Variants in MAGI1 observed in about 807,000 individuals in gnomAD.
The protein encoded by MAGI1 is membrane associated guanylate kinase, WW and PDZ domain containing 1, also known as membrane-associated guanylate kinase, WW and PDZ domain-containing protein 1.
Under a neutral mutation model 139.9 loss-of-function variants are expected in MAGI1, and 58 were observed. The observed-to-expected ratio is 0.41, with a 90% CI of 0.34 to 0.52. The LOEUF (loss-of-function observed/expected upper bound fraction) is 0.52, where lower values mean the gene tolerates loss of function less well. Among genes scored for constraint, MAGI1 ranks in the 20% least tolerant of loss-of-function variants. The pLI, the probability that MAGI1 is intolerant of heterozygous loss-of-function variation, is 0.12. For missense variants in MAGI1, 1,874 were observed against 1,901.6 expected (o/e 0.99, Z 0.27); for synonymous variants, 812 against 737.9 (o/e 1.10, Z -1.63).
At chr3:65,486,003 C>T (rs1019353800) in intron 3 of MAGI1, among the ~76,000 whole-genome samples, 3 of 152,162 alleles carry the variant, frequency 2.0e-5, no homozygotes, top group Admixed American at 6.5e-5. Flanking sequence ...GAACATTCTA[C>T]GACAGAGTTT....
chr3:65,835,626 A>G (rs1179077146), intron 1 of MAGI1, among the ~76,000 whole-genome samples: 2 of 152,252 alleles, frequency 1.3e-5, no homozygotes, highest in African/African-American at 4.8e-5. Flanking sequence ...CAAGAAATCA[A>G]CGACTCTGTC....
chr3:65,401,321 C>A, intron 13 of MAGI1, 118 bp downstream of exon 13: 1 of 1,284,152 alleles, frequency 7.8e-7, no homozygotes, highest in Non-Finnish European at 1.1e-6. Flanking sequence ...CTCCTGTCTC[C>A]CCCATCCACT....
intron 3 of MAGI1, among the ~76,000 whole-genome samples, 194 bp downstream of exon 3, chr3:65,493,318 A>T (rs941667364): frequency 1.3e-5 from 2 of 152,174 alleles, no homozygotes; most frequent in Non-Finnish European, 2.9e-5. Context: ...AGAAAAACTA[A>T]AACTATTTTT....
At chr3:66,014,387 C>T (rs1411322288) in intron 1 of MAGI1, among the ~76,000 whole-genome samples, 1 of 152,164 alleles carries the variant, frequency 6.6e-6, no homozygotes, top group Non-Finnish European at 1.5e-5. Flanking sequence ...CCTATAGATG[C>T]TGTCTCTTAC....
intron 1 of MAGI1, among the ~76,000 whole-genome samples, chr3:65,671,537 T>C (rs1204490478): frequency 1.3e-5 from 2 of 152,194 alleles, no homozygotes; most frequent in Non-Finnish European, 2.9e-5. Flanking sequence ...CCTGGCTACA[T>C]ATTAGAAATG....
intron 2 of MAGI1, among the ~76,000 whole-genome samples, chr3:65,610,794 A>AGT (rs2083027485): frequency 7.1e-6 from 1 of 140,336 alleles, no homozygotes; most frequent in Admixed American, 7.3e-5. Flanking sequence ...TAGTATATAT[A>AGT]GTATATATAG....
intron 1 of MAGI1, among the ~76,000 whole-genome samples, chr3:65,917,617 C>T (rs1370764909): frequency 6.6e-6 from 1 of 152,128 alleles, no homozygotes; most frequent in African/African-American, 2.4e-5. Context: ...AAAAGAAACA[C>T]ACCATCAAGC....
chr3:65,449,534 G>A (rs1476476057), intron 6 of MAGI1, among the ~76,000 whole-genome samples: 1 of 152,080 alleles, frequency 6.6e-6, no homozygotes. Flanking sequence ...TAGCACTTTG[G>A]GAGGCCAAAG....
At chr3:65,546,002 A>G (rs200063274) in intron 2 of MAGI1, among the ~76,000 whole-genome samples, 1 of 145,462 alleles carries the variant, frequency 6.9e-6, no homozygotes, top group East Asian at 2.0e-4. Flanking sequence ...ACGCACACAC[A>G]CACACACACA....
chr3:65,590,274 G>A (rs1039867235), intron 2 of MAGI1, among the ~76,000 whole-genome samples: 1 of 152,110 alleles, frequency 6.6e-6, no homozygotes, highest in Non-Finnish European at 1.5e-5. Flanking sequence ...CAATTCCCCT[G>A]TGAGGGTAAA....
chr3:65,675,063 TAGAGGAGGAGAAACATTCTGACC>T (rs1453061566), intron 1 of MAGI1, among the ~76,000 whole-genome samples: 2 of 152,202 alleles, frequency 1.3e-5, no homozygotes, highest in South Asian at 2.1e-4. Flanking sequence ...AATCAGAAAT[TAGAGGAGGAGAAACATTCTGACC>T]AGATGCTCTC....
chr3:65,925,895 C>T (rs1257162234), intron 1 of MAGI1, among the ~76,000 whole-genome samples: 3 of 152,164 alleles, frequency 2.0e-5, no homozygotes, highest in Non-Finnish European at 4.4e-5. Flanking sequence ...CCAGGCTGGT[C>T]TTGAACTCCT....
At chr3:65,637,556 A>AAAAGAAAGAAAGAAAG (rs60686455) in intron 1 of MAGI1, among the ~76,000 whole-genome samples, 127 of 127,978 alleles carry the variant, frequency 9.9e-4, no homozygotes, top group East Asian at 1.4e-3. Context: ...TGTCTCCAAA[A>AAAAGAAAGAAAGAAAG]AAAGAAAGAA....
intron 16 of MAGI1, 99 bp downstream of exon 16, chr3:65,381,778 T>G: frequency 8.7e-7 from 1 of 1,149,068 alleles, no homozygotes; most frequent in Non-Finnish European, 1.2e-6. Context: ...TTGCAAACAT[T>G]TGCTAAAATA....
intron 1 of MAGI1, among the ~76,000 whole-genome samples, chr3:65,779,506 T>C (rs264115): frequency 0.98 from 149,117 of 152,342 alleles, 73,075 homozygotes; most frequent in Middle Eastern, 1. Flanking sequence ...AACTGTGAGA[T>C]GATTTAAAAA....
intron 8 of MAGI1, among the ~76,000 whole-genome samples, chr3:65,440,813 G>A (rs1428620665): frequency 6.8e-6 from 1 of 146,100 alleles, no homozygotes; most frequent in South Asian, 2.2e-4. Context: ...GTATACATAT[G>A]TATATGTGTA....
chr3:65,380,540 C>T (rs1327287283), intron 16 of MAGI1, among the ~76,000 whole-genome samples: 4 of 152,136 alleles, frequency 2.6e-5, no homozygotes, highest in Admixed American at 2.6e-4. Flanking sequence ...CACCAACCAT[C>T]ATTCTGCTTT....
At chr3:65,821,828 G>A (rs563855513) in intron 1 of MAGI1, among the ~76,000 whole-genome samples, 1 of 152,206 alleles carries the variant, frequency 6.6e-6, no homozygotes, top group Non-Finnish European at 1.5e-5. Context: ...CCAGAGGGCA[G>A]AGAGTGAGAT....
Position 65,977,443 on chromosome 3 carries a change from G to A in MAGI1, c.313+60553C>T, listed in dbSNP as rs535574815. Reference sequence around the variant, plus strand: ...AATCAAAACTCGGCCGGGCGCGGTGGTTCATGCCTGTAATCCCAGCACTTT... The same window carrying A: ...AATCAAAACTCGGCCGGGCGCGGTGATTCATGCCTGTAATCCCAGCACTTT... On this transcript the variant is annotated intron_variant, in intron 1 of 22. Coordinates refer to ENST00000402939, the MANE Select transcript of MAGI1 (RefSeq NM_001033057.2). 5.3e-5 allele frequency among the ~76,000 whole-genome samples: 8 copies of A among 152,268 alleles called. No individual in the cohort carries two copies. In the South Asian group the frequency reaches 8.3e-4, roughly 16 times the overall value.
Sources: allele counts gnomAD v4.1 joint callset (sites outside exome capture counted in the v4.1 genomes callset), GRCh38; gene constraint gnomAD v4.1.1; transcripts MANE v1.5; gene names NCBI Gene and HGNC (gene_info 2026-07-23, HGNC 2026-07-21).